The following DIP2C variants were observed in gnomAD, a reference collection of about 807,000 sequenced individuals.
DIP2C encodes the protein disco-interacting protein 2 homolog C.
DIP2C carries 33 observed loss-of-function variants against 192.4 expected under a neutral mutation model. That is an observed-to-expected ratio of 0.17 (90% CI 0.13 to 0.23). The LOEUF (loss-of-function observed/expected upper bound fraction) is 0.23, where lower values mean the gene tolerates loss of function less well. Ranked by LOEUF, DIP2C falls within the 10% of genes least tolerant of loss-of-function variation. The pLI is 1.00. For missense variants in DIP2C, 1,537 were observed against 2,110.1 expected (o/e 0.73, Z 5.32); for synonymous variants, 979 against 864.1 (o/e 1.13, Z -2.33).
chr10:624,432 C>T (rs1273027812), intron 1 of DIP2C, among the ~76,000 whole-genome samples: 1 of 152,220 alleles, frequency 6.6e-6, no homozygotes, highest in African/African-American at 2.4e-5. Context: ...AGGAAGGCAG[C>T]GCCCGCTCAG....
intron 29 of DIP2C, among the ~76,000 whole-genome samples, chr10:339,457 G>A (rs1958036257): frequency 6.6e-6 from 1 of 150,928 alleles, no homozygotes; most frequent in Admixed American, 6.6e-5. Context: ...TGTTATTGTG[G>A]GTTCACACGG....
chr10:520,750 C>G (rs1269208164), intron 1 of DIP2C, among the ~76,000 whole-genome samples: 1 of 152,218 alleles, frequency 6.6e-6, no homozygotes, highest in Non-Finnish European at 1.5e-5. Flanking sequence ...AAGTTGGAAA[C>G]CAAAAAATTC....
intron 28 of DIP2C, among the ~76,000 whole-genome samples, 191 bp from the exon 29 acceptor site, chr10:341,520 A>G (rs555568317): frequency 1.3e-5 from 2 of 148,720 alleles, no homozygotes; most frequent in South Asian, 4.3e-4. Context: ...ACCCTCAGAA[A>G]CCCGGGACAA....
At chr10:397,646 C>T (rs1188060793) in intron 10 of DIP2C, among the ~76,000 whole-genome samples, 8 of 152,242 alleles carry the variant, frequency 5.3e-5, no homozygotes, top group African/African-American at 1.4e-4. Flanking sequence ...TCCTCCTACA[C>T]GACTGGCCGC....
chr10:627,669 C>T (rs1030328881), intron 1 of DIP2C, among the ~76,000 whole-genome samples: 4 of 152,224 alleles, frequency 2.6e-5, no homozygotes, highest in Non-Finnish European at 5.9e-5. Context: ...TAAGGGAAAC[C>T]CCAAGCCTGC....
intron 1 of DIP2C, among the ~76,000 whole-genome samples, chr10:679,537 TG>T (rs1228472665): frequency 1.1e-3 from 7 of 6,188 alleles, no homozygotes; most frequent in Non-Finnish European, 2.5e-3. Flanking sequence ...CCCACGCCCA[TG>T]CTCCCCGCAC....
chr10:642,380 G>C (rs1189413764), intron 1 of DIP2C, among the ~76,000 whole-genome samples: 1 of 152,208 alleles, frequency 6.6e-6, no homozygotes, highest in Non-Finnish European at 1.5e-5. Context: ...CCAGTCTAGG[G>C]CCACATCGCC....
At chr10:537,378 A>C (rs1173687040) in intron 1 of DIP2C, among the ~76,000 whole-genome samples, 1 of 152,154 alleles carries the variant, frequency 6.6e-6, no homozygotes, top group African/African-American at 2.4e-5. Context: ...CTGTTTCTAA[A>C]ATACCCATCG....
At chr10:617,407 G>C (rs1853543079) in intron 1 of DIP2C, among the ~76,000 whole-genome samples, 2 of 152,148 alleles carry the variant, frequency 1.3e-5, no homozygotes. Context: ...ACTTCCCAGG[G>C]TGGCTGTGGA....
At chr10:400,269 T>C (rs1964310645) in intron 9 of DIP2C, among the ~76,000 whole-genome samples, 1 of 150,644 alleles carries the variant, frequency 6.6e-6, no homozygotes, top group South Asian at 2.1e-4. Context: ...GCGATTCTCC[T>C]GCCTTGGTCC....
At chr10:323,455 A>T (rs1390099287) in intron 31 of DIP2C, among the ~76,000 whole-genome samples, 1 of 55,058 alleles carries the variant, frequency 1.8e-5, no homozygotes, top group Non-Finnish European at 7.0e-5. Flanking sequence ...GGCTCCAGCG[A>T]GAGACCAGCG....
At chr10:365,706 G>A (rs1960106782) in intron 19 of DIP2C, among the ~76,000 whole-genome samples, 1 of 152,222 alleles carries the variant, frequency 6.6e-6, no homozygotes, top group Non-Finnish European at 1.5e-5. Flanking sequence ...TCATTACACA[G>A]CACATCTGTG....
At position 292,783 on chromosome 10, in the gene DIP2C, C is replaced by T. The variant is rs754397742; in HGVS notation, c.3987-4362G>A. On this transcript the variant is annotated intron_variant, in intron 32 of 36. Transcript: ENST00000280886. ...AAGAGAGCCATGGTTGAACTTCTCA[C>T]TAATCCTTCCCTGCAAAGCTACAGA... Among the ~76,000 whole-genome samples the T allele has an allele frequency of 6.6e-5, 10 of 152,338 alleles. No individual in the cohort carries two copies. The South Asian group carries it at 1.0e-3, about 16-fold the overall frequency.
intron 1 of DIP2C, among the ~76,000 whole-genome samples, chr10:504,126 G>A (rs554345048): frequency 6.6e-6 from 1 of 152,254 alleles, no homozygotes; most frequent in East Asian, 1.9e-4. Flanking sequence ...CAACCTAACT[G>A]CCTTCCTAAC....
At chr10:413,308 C>T (rs969409951) in intron 8 of DIP2C, among the ~76,000 whole-genome samples, 5 of 152,186 alleles carry the variant, frequency 3.3e-5, no homozygotes, top group South Asian at 2.1e-4. Context: ...AAGGGAAAGG[C>T]GGTTTCTCTG....
chr10:530,779 T>C lies in DIP2C; in HGVS notation c.86-44249A>G, dbSNP rs185466396. ...CGAGATGGACTCTCTGTGGCTACAATGAGGCCCAGAGAGAAATGCAAGCGG... is the reference window on the plus strand; with the variant it reads ...CGAGATGGACTCTCTGTGGCTACAACGAGGCCCAGAGAGAAATGCAAGCGG... On this transcript the variant is annotated intron_variant, in intron 1 of 36. Coordinates refer to ENST00000280886, the MANE Select transcript of DIP2C (RefSeq NM_014974.3). Among the ~76,000 whole-genome samples, 298 of 151,680 alleles carry C rather than the reference T, an allele frequency of 2.0e-3. 1 individual carries two copies. The highest frequency in any genetic ancestry group is 0.01 in the Middle Eastern group (3 of 292).
chr10:518,799 G>C (rs967957435), intron 1 of DIP2C, among the ~76,000 whole-genome samples: 1 of 152,220 alleles, frequency 6.6e-6, no homozygotes, highest in Non-Finnish European at 1.5e-5. Flanking sequence ...CTTCCAGAAA[G>C]AGGTTTAATT....
intron 29 of DIP2C, among the ~76,000 whole-genome samples, chr10:332,945 C>G (rs889887262): frequency 2.0e-5 from 3 of 152,230 alleles, no homozygotes; most frequent in African/African-American, 7.2e-5. Flanking sequence ...CTCCGTCGCC[C>G]AGGTTGGAGT....
At position 364,502 on chromosome 10, in the gene DIP2C, G is replaced by A. The variant is rs201881630; in HGVS notation, c.2349C>T (p.Pro783=). The A allele has an allele frequency of 3.5e-5, 57 of 1,614,120 alleles. No homozygotes were observed. The highest frequency in any genetic ancestry group is 9.3e-5 in the African/African-American group (7 of 75,012). Residue 783 remains proline (P), a synonymous_variant, in exon 20 of 37, where the codon CCC becomes CCT. Transcript: ENST00000280886. ...IRTGLLGFVG[P]GGLVFVVGKM... The stretch of plus-strand genomic sequence containing the variant: ...TGCCCACCACGAAGACGAGGCCTCC[G>A]GGACCCACGAACCCCAGCAAGCCTG...
Sources: gnomAD v4.1 joint callset for allele counts (sites outside exome capture counted in the v4.1 genomes callset) on GRCh38, gnomAD v4.1.1 for gene constraint, MANE v1.5 for transcripts, NCBI Gene and HGNC (gene_info 2026-07-23, HGNC 2026-07-21) for gene names.